CBFA2T2: variants seen among roughly 807,000 people sequenced by gnomAD.
CBFA2T2 encodes protein CBFA2T2.
Under a neutral mutation model 62.2 loss-of-function variants are expected in CBFA2T2, and 11 were observed. The observed-to-expected ratio is 0.18, with a 90% CI of 0.11 to 0.29. The LOEUF (loss-of-function observed/expected upper bound fraction) is 0.29. Among genes scored for constraint, CBFA2T2 ranks in the 10% least tolerant of loss-of-function variants. CBFA2T2 has a pLI of 1.00. For missense variants in CBFA2T2, 592 were observed against 774.1 expected, an observed-to-expected ratio of 0.76 and a Z score of 2.79; for synonymous variants, 295 against 287.5, an observed-to-expected ratio of 1.03 and a Z score of -0.27.
At chr20:33,615,778 G>A (rs1198440727) in intron 3 of CBFA2T2, among the ~76,000 whole-genome samples, 2 of 152,026 alleles carry the variant, frequency 1.3e-5, no homozygotes, top group East Asian at 3.9e-4. Flanking sequence ...TAAAGGTAGA[G>A]AGAAGACAGC....
Position 33,628,367 on chromosome 20 carries a change from C to G in CBFA2T2, c.964C>G (p.Gln322Glu). 1 of 1,611,864 alleles carries G rather than the reference C, an allele frequency of 6.2e-7. No homozygotes were observed. The highest frequency in any genetic ancestry group is 1.1e-5 in the South Asian group (1 of 91,036). Reference sequence around the variant, plus strand: ...TCTAATAGGTCTAAATGGAGGCTATCAAGATGAGTTGGTAGATCATCGTTT... The same window carrying G: ...TCTAATAGGTCTAAATGGAGGCTATGAAGATGAGTTGGTAGATCATCGTTT... Reference protein sequence around the residue: ...HHSLGLNGGYQDELVDHRLTE... With the variant: ...HHSLGLNGGYEDELVDHRLTE... Residue 322 changes from glutamine to glutamate, a missense_variant, in exon 7 of 11, where the codon CAA becomes GAA. This residue lies in a region of CBFA2T2 where 449 missense variants were observed against 551.2 expected (regional missense o/e 0.81). Coordinates refer to ENST00000342704, the MANE Select transcript of CBFA2T2 (RefSeq NM_001032999.3).
chr20:33,496,081 G>A (rs1461711799), intron 1 of CBFA2T2, among the ~76,000 whole-genome samples: 1 of 152,188 alleles, frequency 6.6e-6, no homozygotes, highest in Non-Finnish European at 1.5e-5. Flanking sequence ...TTTTGGGAAG[G>A]CAGGGGAGAC....
chr20:33,517,982 T>C (rs1044755046), intron 1 of CBFA2T2, among the ~76,000 whole-genome samples: 7 of 151,840 alleles, frequency 4.6e-5, no homozygotes, highest in African/African-American at 1.7e-4. Context: ...AGAGTCTCTC[T>C]CTGTCACCCA....
At chr20:33,642,114 T>TGTGTGTGTG (rs1555851369) in intron 10 of CBFA2T2, among the ~76,000 whole-genome samples, 3 of 62,806 alleles carry the variant, frequency 4.8e-5, no homozygotes, top group South Asian at 8.2e-4. Flanking sequence ...TCTTTTTTTT[T>TGTGTGTGTG]TTTGTGTGTG....
intron 5 of CBFA2T2, chr20:33,623,926 T>C (rs2016104290): frequency 4.8e-6 from 3 of 624,362 alleles, no homozygotes; most frequent in Middle Eastern, 2.5e-4. Flanking sequence ...TTCTGCCTTT[T>C]CCTTGATGCT....
intron 1 of CBFA2T2, among the ~76,000 whole-genome samples, chr20:33,492,238 C>T (rs1187678006): frequency 6.6e-6 from 1 of 151,768 alleles, no homozygotes; most frequent in African/African-American, 2.4e-5. Flanking sequence ...AGGCTGGTCT[C>T]GAACCCCTGA....
At position 33,648,562 on chromosome 20, in the gene CBFA2T2, G is replaced by C. The variant is rs2017131868; in HGVS notation, c.*3916G>C. 6.6e-6 allele frequency: 1 copy of C among 152,254 alleles called. No homozygotes were observed. The highest frequency in any genetic ancestry group is 2.1e-4 in the South Asian group (1 of 4,830). The allele number at this position is 152,254 out of a possible 1,614,324, so 9.4% of individuals were successfully genotyped here. On this transcript the variant is annotated 3_prime_UTR_variant, in exon 11 of 11. Coordinates refer to ENST00000342704, the MANE Select transcript of CBFA2T2 (RefSeq NM_001032999.3). ...CGGGAGGTGGGGGCACTCCACACTG[G>C]GGGGCCCTGCAGCTCCAGGGCTGGT...
At chr20:33,519,205 C>A (rs2011663177) in intron 1 of CBFA2T2, among the ~76,000 whole-genome samples, 1 of 152,120 alleles carries the variant, frequency 6.6e-6, no homozygotes, top group South Asian at 2.1e-4. Flanking sequence ...CACCATGGTT[C>A]ATGCTTGTAA....
Position 33,645,946 on chromosome 20 carries a change from C to T in CBFA2T2, c.*1300C>T, listed in dbSNP as rs1160402604. On this transcript the variant is annotated 3_prime_UTR_variant, in exon 11 of 11. Transcript: ENST00000342704. ...AATGGGACATCACTCATATCCCTTT[C>T]AGAATGTTAGGAACTGCCTCCCACA... 6.6e-6 allele frequency: 1 copy of T among 152,132 alleles called. No homozygotes were observed. The highest frequency in any genetic ancestry group is 1.5e-5 in the Non-Finnish European group (1 of 68,032). 9.4% of individuals were successfully genotyped at this position (152,132 alleles called of 1,614,324 possible). A position where few individuals can be genotyped will look rare whatever the true frequency, so the allele number is the denominator to read the frequency against.
intron 8 of CBFA2T2, among the ~76,000 whole-genome samples, chr20:33,635,464 C>T (rs1030987343): frequency 6.6e-6 from 1 of 152,198 alleles, no homozygotes; most frequent in Admixed American, 6.5e-5. Flanking sequence ...GCCTAGAAAG[C>T]GCCCAGTCCA....
At chr20:33,591,179 C>CAAAAAAAAA (rs80021195) in intron 1 of CBFA2T2, among the ~76,000 whole-genome samples, 20 of 82,036 alleles carry the variant, frequency 2.4e-4, no homozygotes, top group Non-Finnish European at 1.1e-4. Context: ...AACTCCCTCT[C>CAAAAAAAAA]AAAAAAAAAA....
chr20:33,529,119 G>T (rs529138898), intron 1 of CBFA2T2, among the ~76,000 whole-genome samples: 1 of 151,994 alleles, frequency 6.6e-6, no homozygotes, highest in Non-Finnish European at 1.5e-5. Flanking sequence ...TCCGCCTACC[G>T]GGTTTACGCC....
rs2013864742 is a variant in CBFA2T2 at position 33,577,029 on chromosome 20, G to C, written c.35-29927G>C. Among the ~76,000 whole-genome samples the C allele has an allele frequency of 3.3e-5, 5 of 152,246 alleles. No individual in the cohort carries two copies. The South Asian group carries it at 1.0e-3, about 32-fold the overall frequency. On this transcript the variant is annotated intron_variant, in intron 1 of 10. Coordinates refer to ENST00000342704, the MANE Select transcript of CBFA2T2 (RefSeq NM_001032999.3). ...CACTCCATAATAGATGAATTGAGAG[G>C]GTGCTGATTGTGTCACTGAAATGTT...
At chr20:33,518,057 T>C (rs1008061962) in intron 1 of CBFA2T2, among the ~76,000 whole-genome samples, 2 of 152,104 alleles carry the variant, frequency 1.3e-5, no homozygotes, top group Middle Eastern at 3.2e-3. Flanking sequence ...CAAGTGATTC[T>C]CCTGCCTCAG....
intron 1 of CBFA2T2, 51 bp downstream of exon 1, chr20:33,490,352 G>A (rs1324688331): frequency 8.0e-7 from 1 of 1,257,276 alleles, no homozygotes; most frequent in East Asian, 3.0e-5. Context: ...GAGGGCCTGC[G>A]GCTCCGCAGG....
intron 6 of CBFA2T2, among the ~76,000 whole-genome samples, chr20:33,627,759 T>C (rs2016295755): frequency 6.6e-6 from 1 of 152,242 alleles, no homozygotes; most frequent in African/African-American, 2.4e-5. Context: ...TTCAGACTGG[T>C]AACAGGGGTG....
chr20:33,616,735 A>C (rs1376854956), intron 3 of CBFA2T2, among the ~76,000 whole-genome samples: 2 of 152,078 alleles, frequency 1.3e-5, no homozygotes, highest in African/African-American at 4.8e-5. Context: ...TCAAAAAAAA[A>C]AAAAAGATGT....
At chr20:33,641,842 C>T (rs1209689454) in intron 10 of CBFA2T2, among the ~76,000 whole-genome samples, 1 of 151,438 alleles carries the variant, frequency 6.6e-6, no homozygotes, top group African/African-American at 2.4e-5. Context: ...CCTTGGCCTC[C>T]CAAAGTGCTG....
intron 3 of CBFA2T2, among the ~76,000 whole-genome samples, 155 bp from the exon 4 acceptor site, chr20:33,619,362 G>A (rs989101002): frequency 4.6e-5 from 7 of 151,562 alleles, no homozygotes; most frequent in Non-Finnish European, 1.0e-4. Flanking sequence ...AGCCGAGACC[G>A]CGCCACTGCG....
Sources: gnomAD v4.1 joint callset for allele counts (sites outside exome capture counted in the v4.1 genomes callset) on GRCh38, gnomAD v4.1.1 for gene constraint, gnomAD v4.1.1 regional missense constraint, MANE v1.5 for transcripts, NCBI Gene and HGNC (gene_info 2026-07-23, HGNC 2026-07-21) for gene names.